AMOTL1: variants seen among roughly 807,000 people sequenced by gnomAD.
AMOTL1 encodes the protein angiomotin-like protein 1.
A neutral mutation model predicts 102.9 loss-of-function variants in AMOTL1; 45 were observed. The ratio of observed to expected loss-of-function variants is 0.44; its 90% CI spans 0.34 to 0.56. The LOEUF is 0.56. Among genes scored for constraint, AMOTL1 ranks in the 20% least tolerant of loss-of-function variants. The probability of loss-of-function intolerance (pLI) is 0.01; values close to 1 mark genes in which losing one functional copy is unlikely to be tolerated. For synonymous variants in AMOTL1, 481 were observed against 484.7 expected (o/e 0.99, Z 0.10); for missense variants, 1,114 against 1,225.6 (o/e 0.91, Z 1.36).
intron 1 of AMOTL1, among the ~76,000 whole-genome samples, chr11:94,712,506 G>A (rs1300788685): frequency 2.0e-5 from 3 of 152,014 alleles, no homozygotes; most frequent in Non-Finnish European, 1.5e-5. Flanking sequence ...AAACTAAAGA[G>A]CTTCTGTGCA....
chr11:94,870,215 C>A, intron 12 of AMOTL1, among the ~76,000 whole-genome samples: 1 of 152,280 alleles, frequency 6.6e-6, no homozygotes, highest in African/African-American at 2.4e-5. Context: ...GTCATGGGGA[C>A]CTCCCTTTTC....
chr11:94,777,726 A>G (rs986810800), intron 1 of AMOTL1, among the ~76,000 whole-genome samples: 7 of 152,206 alleles, frequency 4.6e-5, no homozygotes, highest in African/African-American at 1.7e-4. Flanking sequence ...AATATTTTCA[A>G]TTTCTCTTAT....
intron 2 of AMOTL1, 66 bp downstream of exon 2, chr11:94,795,226 C>T: frequency 6.4e-7 from 1 of 1,560,786 alleles, no homozygotes; most frequent in Non-Finnish European, 8.7e-7. Context: ...ATCTTTAGCT[C>T]TTTTGCATAA....
rs548215245 is a variant in AMOTL1, at chr11:94,768,644, C to T, written c.49+84C>T. 1.6e-5 allele frequency: 24 copies of T among 1,538,952 alleles called. No homozygotes were observed. The South Asian group carries it at 2.4e-4, about 15-fold the overall frequency. On this transcript the variant is annotated intron_variant, in intron 1 of 12. Coordinates refer to ENST00000433060, the MANE Select transcript of AMOTL1 (RefSeq NM_130847.3). ...CCCAGTCGCCCCGGGCTCCCCGGGC[C>T]CCTGCTGCTCACGGAAGGGGGCAGC... is the stretch of plus-strand genomic sequence containing the variant.
At position 94,871,951 on chromosome 11, in the gene AMOTL1, A is replaced by G. The variant is rs531079356; in HGVS notation, c.*1156A>G. 6 of 151,472 alleles carry G rather than the reference A, an allele frequency of 4.0e-5. No individual in the cohort carries two copies. The highest frequency in any genetic ancestry group is 1.5e-4 in the African/African-American group (6 of 40,870). The allele number at this position is 151,472 out of a possible 1,614,324, so 9.4% of individuals were successfully genotyped here. ...CGTATAGCTTCTTGTATTGAGGCTC[A>G]TGAGCGTATTCACACTCTTTCCTCC... On this transcript the variant is annotated 3_prime_UTR_variant, in exon 13 of 13. Transcript: ENST00000433060.
chr11:94,859,542 G>C lies in AMOTL1; in HGVS notation c.1962G>C (p.Gln654His). ...LRTQQKHGNGQPANMPEYNAP... is the reference protein window; with the variant it reads ...LRTQQKHGNGHPANMPEYNAP... Reference sequence around the variant, plus strand: ...TCCTTCAGAAACATGGAAATGGCCAGCCAGCCAACATGCCGGAATACAATG... The same window carrying C: ...TCCTTCAGAAACATGGAAATGGCCACCCAGCCAACATGCCGGAATACAATG... Residue 654 changes from glutamine (Q) to histidine (H), a missense_variant, in exon 9 of 13, where the codon CAG becomes CAC. Coordinates refer to ENST00000433060, the MANE Select transcript of AMOTL1 (RefSeq NM_130847.3). The C allele has an allele frequency of 6.2e-7, 1 of 1,612,262 alleles. No individual in the cohort carries two copies. Among genetic ancestry groups the C allele is most frequent in the Non-Finnish European group, 8.5e-7 (1 of 1,179,050 alleles).
chr11:94,774,573 G>T (rs770933898), intron 1 of AMOTL1, among the ~76,000 whole-genome samples: 1 of 152,150 alleles, frequency 6.6e-6, no homozygotes, highest in Non-Finnish European at 1.5e-5. Context: ...ACAATTCCAG[G>T]ACAGTTGTTC....
rs1198259296 is a variant in AMOTL1, at chr11:94,873,287, C to A, written c.*2492C>A. The A allele has an allele frequency of 2.0e-5, 3 of 152,130 alleles. No individual in the cohort carries two copies. Among genetic ancestry groups the A allele is most frequent in the African/African-American group, 4.8e-5 (2 of 41,428 alleles). 9.4% of individuals were successfully genotyped at this position (152,130 alleles called of 1,614,324 possible). On this transcript the variant is annotated 3_prime_UTR_variant, in exon 13 of 13. Transcript: ENST00000433060. ...TTGACCGTATTTTTTTTCTCTTAAC[C>A]TACTGAGACTCTTCCTTAAGAACAG...
chr11:94,848,614 C>T (rs974717302), intron 6 of AMOTL1, among the ~76,000 whole-genome samples: 7 of 152,124 alleles, frequency 4.6e-5, no homozygotes, highest in Admixed American at 3.9e-4. Flanking sequence ...TGTCTCTGTC[C>T]CCACTGGCTG....
Position 94,875,967 on chromosome 11 carries a change from T to C in AMOTL1, c.*5172T>C, listed in dbSNP as rs1338760113. 6.5e-6 allele frequency: 1 copy of C among 152,672 alleles called. No individual in the cohort carries two copies. Among genetic ancestry groups the C allele is most frequent in the African/African-American group, 2.4e-5 (1 of 41,466 alleles). 9.5% of individuals were successfully genotyped at this position (152,672 alleles called of 1,614,324 possible). Reference sequence around the variant, plus strand: ...GTGTTTACTTTAGTGCATGTTATTGTCATGTTATGATGTGACTGGGGTGTT... The same window carrying C: ...GTGTTTACTTTAGTGCATGTTATTGCCATGTTATGATGTGACTGGGGTGTT... On this transcript the variant is annotated 3_prime_UTR_variant, in exon 13 of 13. Coordinates refer to ENST00000433060, the MANE Select transcript of AMOTL1 (RefSeq NM_130847.3).
chr11:94,777,406 A>C (rs936445637), intron 1 of AMOTL1, among the ~76,000 whole-genome samples: 6 of 152,162 alleles, frequency 3.9e-5, no homozygotes, highest in Admixed American at 3.9e-4. Context: ...AGAGTCTAAA[A>C]AGTCTACTTT....
chr11:94,775,205 C>A (rs1951009124), intron 1 of AMOTL1, among the ~76,000 whole-genome samples: 1 of 152,188 alleles, frequency 6.6e-6, no homozygotes, highest in South Asian at 2.1e-4. Context: ...GTGTCTCTGA[C>A]TGACGGTAAG....
At chr11:94,744,883 T>C (rs894690838) in intron 3 of AMOTL1, among the ~76,000 whole-genome samples, 1 of 152,216 alleles carries the variant, frequency 6.6e-6, no homozygotes, top group Non-Finnish European at 1.5e-5. Context: ...TTAGCTATTA[T>C]ATCTATGATA....
In AMOTL1 at chr11:94,872,300, G is replaced by C. The variant is rs940358125; in HGVS notation, c.*1505G>C. 2 of 152,170 alleles carry C rather than the reference G, an allele frequency of 1.3e-5. No individual in the cohort carries two copies. The highest frequency in any genetic ancestry group is 4.8e-5 in the African/African-American group (2 of 41,434). 9.4% of individuals were successfully genotyped at this position (152,170 alleles called of 1,614,324 possible). On this transcript the variant is annotated 3_prime_UTR_variant, in exon 13 of 13. Transcript: ENST00000433060. The stretch of plus-strand genomic sequence containing the variant: ...AAGCTCATCGGGCCATCAGAGAGAT[G>C]CTCCTACAGGGTCCTGATGTTTTTG...
chr11:94,837,681 A>G (rs1952212552), intron 6 of AMOTL1, among the ~76,000 whole-genome samples: 1 of 152,238 alleles, frequency 6.6e-6, no homozygotes, highest in South Asian at 2.1e-4. Context: ...ATTTAGGCTC[A>G]AATTAGGCTC....
At position 94,811,287 on chromosome 11, in the gene AMOTL1, G is replaced by A. The variant is rs543590450; in HGVS notation, c.1122-10243G>A. On this transcript the variant is annotated intron_variant, in intron 3 of 12. Transcript: ENST00000433060. Reference sequence around the variant, plus strand: ...GCAGGTGGAATGGCTGAGGTCAGGGGTTCGAGACCACCCTGGCTAACATGG... The same window carrying A: ...GCAGGTGGAATGGCTGAGGTCAGGGATTCGAGACCACCCTGGCTAACATGG... Among the ~76,000 whole-genome samples, 502 of 152,184 alleles carry A rather than the reference G, an allele frequency of 3.3e-3. 1 individual carries two copies. The highest frequency in any genetic ancestry group is 5.6e-3 in the Non-Finnish European group (380 of 67,998).
At chr11:94,815,749 G>T (rs1951754518) in intron 3 of AMOTL1, among the ~76,000 whole-genome samples, 1 of 151,794 alleles carries the variant, frequency 6.6e-6, no homozygotes, top group South Asian at 2.1e-4. Context: ...AATATAAAAA[G>T]GTATTTTTGG....
intron 8 of AMOTL1, 114 bp from the exon 9 acceptor site, chr11:94,859,411 C>T (rs1287228446): frequency 9.8e-7 from 1 of 1,018,684 alleles, no homozygotes; most frequent in Non-Finnish European, 1.4e-6. Flanking sequence ...GGTGAAGTAG[C>T]ATGGTGTGTG....
At chr11:94,831,001 A>T (rs866415299) in intron 5 of AMOTL1, among the ~76,000 whole-genome samples, 5 of 152,358 alleles carry the variant, frequency 3.3e-5, no homozygotes, top group South Asian at 2.1e-4. Flanking sequence ...GTCTTCATAC[A>T]TTAGGTCATT....
Sources: gnomAD v4.1 joint callset for allele counts (sites outside exome capture counted in the v4.1 genomes callset) on GRCh38, gnomAD v4.1.1 for gene constraint, MANE v1.5 for transcripts, NCBI Gene and HGNC (gene_info 2026-07-23, HGNC 2026-07-21) for gene names.